RAB37: variants seen among roughly 807,000 people sequenced by gnomAD.
The protein encoded by RAB37 is ras-related protein Rab-37.
In RAB37, 29 loss-of-function variants were observed where a neutral mutation model predicts 33.1. That is an observed-to-expected ratio of 0.88 (90% CI 0.65 to 1.20). The LOEUF (loss-of-function observed/expected upper bound fraction) is 1.20, where lower values mean the gene tolerates loss of function less well. RAB37 is among the 50% of genes most tolerant of loss of function. RAB37 has a pLI of 0.00. For synonymous variants in RAB37, 128 were observed against 119.5 expected (o/e 1.07, Z -0.47); for missense variants, 299 against 301.1 (o/e 0.99, Z 0.05).
At chr17:74,732,379 C>T (rs146694896), upstream of RAB37, among the ~76,000 whole-genome samples, 2 of 151,134 alleles carry the variant, frequency 1.3e-5, no homozygotes, top group African/African-American at 4.9e-5. Context: ...ACCCTGTGCT[C>T]TTTGGGCTGT....
At position 74,744,953 on chromosome 17, in the gene RAB37, G is replaced by A; in HGVS notation, c.489+24G>A. On this transcript the variant is annotated intron_variant, in intron 7 of 8. Coordinates refer to ENST00000392613, the MANE Select transcript of RAB37 (RefSeq NM_001006638.3). This position sits in a 1 kb window ranked among gnomAD's most constrained non-coding sequence, Gnocchi z 4.2. ...GGGTAAGTGATTGTCTGTGGGACAG[G>A]GTGAAGGGTGGGGGCAACCCGACGC... The A allele has an allele frequency of 1.9e-6, 3 of 1,614,248 alleles. No homozygotes were observed. Among genetic ancestry groups the A allele is most frequent in the Non-Finnish European group, 8.5e-7 (1 of 1,180,038 alleles).
At chr17:74,714,410 C>CAA (rs2034128723) in intron 1 of RAB37, among the ~76,000 whole-genome samples, 1 of 150,710 alleles carries the variant, frequency 6.6e-6, no homozygotes, top group African/African-American at 2.5e-5. Flanking sequence ...CACACACACA[C>CAA]ACACACACAC....
rs377610401 is a variant in RAB37, at chr17:74,744,847, C to G, written c.433-26C>G. ...CCGCTGGGGCGGAGGCCTCCTTCCC[C>G]AGAGTGACCCATTTGGGCTTGACAG... is the stretch of plus-strand genomic sequence containing the variant. On this transcript the variant is annotated intron_variant, in intron 6 of 8. Coordinates refer to ENST00000392613, the MANE Select transcript of RAB37 (RefSeq NM_001006638.3). The surrounding 1 kb of genome is among the most constrained non-coding windows in gnomAD (Gnocchi z 4.2). 6.2e-7 allele frequency: 1 copy of G among 1,614,156 alleles called. No homozygotes were observed. Among genetic ancestry groups the G allele is most frequent in the Non-Finnish European group, 8.5e-7 (1 of 1,179,978 alleles).
intron 1 of RAB37, among the ~76,000 whole-genome samples, chr17:74,687,214 TTTTATTTA>T (rs530119456): frequency 6.6e-5 from 10 of 151,394 alleles, no homozygotes; most frequent in South Asian, 2.1e-4. Context: ...TTTATTTTAT[TTTTATTTA>T]TTTATTTATT....
chr17:74,712,946 G>T lies in RAB37; in HGVS notation c.73-16310G>T, dbSNP rs1286517074. On this transcript the variant is annotated intron_variant, in intron 1 of 7. Transcript: ENST00000340415. ...ACTACAGACTCCCAGCCTTCTGCTGGTACTCACTCTCGCCCTTGAACTTCC... is the reference window on the plus strand; with the variant it reads ...ACTACAGACTCCCAGCCTTCTGCTGTTACTCACTCTCGCCCTTGAACTTCC... 259 of 1,416,060 alleles carry T rather than the reference G, an allele frequency of 1.8e-4. 2 individuals carry two copies. Among genetic ancestry groups the T allele is most frequent in the Non-Finnish European group, 7.9e-6 (8 of 1,010,724 alleles). The allele number at this position is 1,416,060 out of a possible 1,614,324, so 87.7% of individuals were successfully genotyped here. A position where few individuals can be genotyped will look rare whatever the true frequency, so the allele number is the denominator to read the frequency against.
chr17:74,689,691 T>A (rs1408127990), intron 1 of RAB37, among the ~76,000 whole-genome samples: 1 of 152,166 alleles, frequency 6.6e-6, no homozygotes, highest in Non-Finnish European at 1.5e-5. Flanking sequence ...CTAAAAAATT[T>A]ATTGGTACAT....
rs180752380 is a variant in RAB37 at position 74,679,356 on chromosome 17, C to A, written c.72+7698C>A. 4.3e-3 allele frequency among the ~76,000 whole-genome samples: 648 copies of A among 152,192 alleles called. 1 individual carries two copies. Among genetic ancestry groups the A allele is most frequent in the Non-Finnish European group, 5.7e-3 (390 of 68,010 alleles). The stretch of plus-strand genomic sequence containing the variant: ...GTACACAGTCCAGATGAGGCAGACA[C>A]CCCCTTTCAGCCCCTGGAGTCTCCC... On this transcript the variant is annotated intron_variant, in intron 1 of 7. Transcript: ENST00000340415.
intron 1 of RAB37, among the ~76,000 whole-genome samples, chr17:74,725,889 T>A (rs2034300264): frequency 6.6e-6 from 1 of 152,024 alleles, no homozygotes; most frequent in African/African-American, 2.4e-5. Flanking sequence ...GTGCTGGGAT[T>A]ACAGGCTTGA....
intron 2 of RAB37, 40 bp downstream of exon 2, chr17:74,740,918 G>A (rs781063413): frequency 2.1e-6 from 3 of 1,452,486 alleles, no homozygotes; most frequent in East Asian, 2.3e-5. Context: ...CAGAGAGCCA[G>A]GGCTGTGGCT....
upstream of RAB37, among the ~76,000 whole-genome samples, chr17:74,735,615 G>T (rs1160601934): frequency 1.3e-5 from 2 of 152,172 alleles, no homozygotes; most frequent in African/African-American, 4.8e-5. Context: ...CCAACACCAC[G>T]CCTCTGTAGT....
At chr17:74,711,577 C>T (rs942175397) in intron 1 of RAB37, among the ~76,000 whole-genome samples, 16 of 152,214 alleles carry the variant, frequency 1.1e-4, no homozygotes, top group African/African-American at 3.6e-4. Context: ...TCTTCTGAAG[C>T]ATGAGGCAAA....
At chr17:74,682,136 A>G (rs892861158) in intron 1 of RAB37, among the ~76,000 whole-genome samples, 5 of 152,202 alleles carry the variant, frequency 3.3e-5, no homozygotes, top group Non-Finnish European at 5.9e-5. Flanking sequence ...GAGAACAGGC[A>G]TTATTCTTGA....
At chr17:74,685,907 C>T (rs551931363) in intron 1 of RAB37, among the ~76,000 whole-genome samples, 5 of 152,182 alleles carry the variant, frequency 3.3e-5, no homozygotes, top group African/African-American at 7.2e-5. Flanking sequence ...AGTTAGTCAC[C>T]GTTAATTGGG....
intron 1 of RAB37, among the ~76,000 whole-genome samples, chr17:74,699,498 T>C (rs1294956225): frequency 1.3e-5 from 2 of 152,044 alleles, no homozygotes; most frequent in African/African-American, 2.4e-5. Flanking sequence ...AGAGGGAAAT[T>C]TGGACACATA....
chr17:74,705,041 A>G (rs1398614786), intron 1 of RAB37, among the ~76,000 whole-genome samples: 4 of 152,228 alleles, frequency 2.6e-5, no homozygotes, highest in Non-Finnish European at 5.9e-5. Context: ...AAAAATAAAA[A>G]TATTGGCATA....
chr17:74,743,873 A>T (rs547797541), intron 5 of RAB37, among the ~76,000 whole-genome samples: 1 of 152,272 alleles, frequency 6.6e-6, no homozygotes, highest in Non-Finnish European at 1.5e-5. Flanking sequence ...GGAGAATAAA[A>T]CGTTTATATA....
chr17:74,737,734 G>A (rs1428788014), intron 1 of RAB37, among the ~76,000 whole-genome samples: 1 of 152,214 alleles, frequency 6.6e-6, no homozygotes, highest in Non-Finnish European at 1.5e-5. Flanking sequence ...GAGACTCGGA[G>A]AGGACGTCCC....
At chr17:74,704,282 G>C in intron 1 of RAB37, 3 of 591,432 alleles carry the variant, frequency 5.1e-6, no homozygotes, top group Admixed American at 6.1e-5. Context: ...TCCCGTCGTG[G>C]AGGGAGCCCT....
At chr17:74,700,733 CAG>C (rs2032971848) in intron 1 of RAB37, among the ~76,000 whole-genome samples, 1 of 152,088 alleles carries the variant, frequency 6.6e-6, no homozygotes, top group Non-Finnish European at 1.5e-5. Context: ...GCATGGGTGA[CAG>C]AGCAACACTC....
Sources: allele counts gnomAD v4.1 joint callset (sites outside exome capture counted in the v4.1 genomes callset), GRCh38; gene constraint gnomAD v4.1.1; non-coding constraint Gnocchi (gnomAD v3.1); transcripts MANE v1.5; gene names NCBI Gene and HGNC (gene_info 2026-07-23, HGNC 2026-07-21).